The following LRMDA variants were observed in gnomAD, a reference collection of about 807,000 sequenced individuals.
The protein encoded by LRMDA is leucine rich melanocyte differentiation associated, also known as leucine-rich melanocyte differentiation-associated protein.
Under a neutral mutation model 29.8 loss-of-function variants are expected in LRMDA, and 18 were observed. The observed-to-expected ratio is 0.60, with a 90% CI of 0.42 to 0.90. The LOEUF (loss-of-function observed/expected upper bound fraction) is 0.90. Among genes scored for constraint, LRMDA ranks in the 40% least tolerant of loss-of-function variants. The probability of loss-of-function intolerance (pLI) is 0.00; values close to 1 mark genes in which losing one functional copy is unlikely to be tolerated. For synonymous variants in LRMDA, 125 were observed against 109.4 expected (o/e 1.14, Z -0.89); for missense variants, 273 against 273.9 (o/e 1.00, Z 0.02).
At chr10:75,776,634 A>C (rs879597659) in intron 2 of LRMDA, among the ~76,000 whole-genome samples, 10 of 152,344 alleles carry the variant, frequency 6.6e-5, no homozygotes, top group Admixed American at 6.5e-4. Flanking sequence ...TCAATTGGAC[A>C]CTATTAGCAA....
At chr10:76,317,282 C>T (rs890088419) in intron 5 of LRMDA, among the ~76,000 whole-genome samples, 1 of 152,140 alleles carries the variant, frequency 6.6e-6, no homozygotes, top group African/African-American at 2.4e-5. Context: ...ATTGGATAAC[C>T]ATTAGCGTTT....
intron 6 of LRMDA, among the ~76,000 whole-genome samples, chr10:76,503,546 T>C (rs1045242964): frequency 1.3e-5 from 2 of 151,826 alleles, no homozygotes; most frequent in African/African-American, 4.8e-5. Context: ...TCTTCCTGGA[T>C]CAATCTTGGG....
intron 2 of LRMDA, among the ~76,000 whole-genome samples, chr10:75,856,629 C>T (rs1468497594): frequency 6.6e-6 from 1 of 152,200 alleles, no homozygotes; most frequent in East Asian, 1.9e-4. Flanking sequence ...CAAAATTCAA[C>T]AATGCTTCAT....
intron 2 of LRMDA, among the ~76,000 whole-genome samples, chr10:75,484,007 G>C (rs1178978225): frequency 6.6e-6 from 1 of 152,040 alleles, no homozygotes; most frequent in Non-Finnish European, 1.5e-5. Flanking sequence ...CCAAGCTGGA[G>C]TACAGTGGCT....
rs545624543 is a variant in LRMDA at position 76,478,571 on chromosome 10, G to T, written c.602-78638G>T. The stretch of plus-strand genomic sequence containing the variant: ...GGTATATACCCAAAGGATTATAAAT[G>T]ATGCTGCTATAAAGACACATGTACA... On this transcript the variant is annotated intron_variant, in intron 6 of 6. Transcript: ENST00000611255. Among the ~76,000 whole-genome samples, 5 of 152,060 alleles carry T rather than the reference G, an allele frequency of 3.3e-5. No homozygotes were observed. In the South Asian group the frequency reaches 1.0e-3, roughly 32 times the overall value.
At chr10:76,419,302 TC>T (rs1235351252) in intron 6 of LRMDA, among the ~76,000 whole-genome samples, 2 of 152,104 alleles carry the variant, frequency 1.3e-5, no homozygotes, top group Non-Finnish European at 2.9e-5. Flanking sequence ...CCATAGTTTT[TC>T]CTTTTCCATA....
In LRMDA at chr10:75,578,761, C is replaced by T. The variant is rs925819095; in HGVS notation, c.131+140267C>T. The stretch of plus-strand genomic sequence containing the variant: ...AAACGCACTCAAAACCTCACAACTA[C>T]GTGGAAACTGCCTGCTCCTGAATGA... On this transcript the variant is annotated intron_variant, in intron 2 of 6. Transcript: ENST00000611255. Among the ~76,000 whole-genome samples, 9 of 150,738 alleles carry T rather than the reference C, an allele frequency of 6.0e-5. No individual in the cohort carries two copies. In the East Asian group the frequency reaches 7.8e-4, roughly 13 times the overall value.
rs892541497 is a variant in LRMDA, at chr10:76,240,125, T to C, written c.517-84276T>C. On this transcript the variant is annotated intron_variant, in intron 5 of 6. Transcript: ENST00000611255. Reference sequence around the variant, plus strand: ...AAAAGATATACAAATGGCCAACATATGAAAAAAATGCTCAACATCACTAAT... The same window carrying C: ...AAAAGATATACAAATGGCCAACATACGAAAAAAATGCTCAACATCACTAAT... Among the ~76,000 whole-genome samples, 3 of 150,936 alleles carry C rather than the reference T, an allele frequency of 2.0e-5. No individual in the cohort carries two copies. In the Admixed American group the frequency reaches 2.0e-4, roughly 10 times the overall value.
At chr10:75,861,393 G>A (rs1440705442) in intron 2 of LRMDA, among the ~76,000 whole-genome samples, 1 of 152,222 alleles carries the variant, frequency 6.6e-6, no homozygotes, top group Non-Finnish European at 1.5e-5. Context: ...TCTGTTAAGT[G>A]TGAATAATGG....
At chr10:76,250,164 A>G (rs1375783645) in intron 5 of LRMDA, among the ~76,000 whole-genome samples, 1 of 152,192 alleles carries the variant, frequency 6.6e-6, no homozygotes, top group Admixed American at 6.5e-5. Flanking sequence ...CTCATTGCTG[A>G]GTTATCATTC....
intron 5 of LRMDA, among the ~76,000 whole-genome samples, chr10:76,165,061 C>T (rs1850715089): frequency 6.6e-6 from 1 of 152,224 alleles, no homozygotes; most frequent in Non-Finnish European, 1.5e-5. Flanking sequence ...CAAACTCTGC[C>T]TCCCAGGTTC....
intron 6 of LRMDA, among the ~76,000 whole-genome samples, chr10:76,548,161 G>A (rs1453675150): frequency 6.6e-6 from 1 of 152,154 alleles, no homozygotes; most frequent in East Asian, 1.9e-4. Context: ...AGAGTTGTAT[G>A]GGTGCCTGGT....
chr10:75,555,480 C>A (rs1840202458), intron 2 of LRMDA, among the ~76,000 whole-genome samples: 1 of 152,136 alleles, frequency 6.6e-6, no homozygotes, highest in Non-Finnish European at 1.5e-5. Flanking sequence ...CTACCTAAAT[C>A]TAAGCTGGAC....
intron 6 of LRMDA, among the ~76,000 whole-genome samples, chr10:76,435,831 C>T (rs977759656): frequency 3.3e-5 from 5 of 152,142 alleles, no homozygotes; most frequent in Middle Eastern, 3.2e-3. Context: ...AATGAAGATT[C>T]GGTCTCTCAT....
chr10:75,672,438 C>T (rs1271187629), intron 2 of LRMDA, among the ~76,000 whole-genome samples: 1 of 151,282 alleles, frequency 6.6e-6, no homozygotes, highest in African/African-American at 2.4e-5. Flanking sequence ...AGATACATTC[C>T]CTTTCTGTAG....
intron 6 of LRMDA, among the ~76,000 whole-genome samples, chr10:76,450,620 A>G (rs917527284): frequency 1.3e-5 from 2 of 151,934 alleles, no homozygotes; most frequent in Non-Finnish European, 2.9e-5. Context: ...TCTCTTCTAT[A>G]TTTTTCCTCG....
At chr10:76,323,995 T>TG (rs908237642) in intron 5 of LRMDA, among the ~76,000 whole-genome samples, 1 of 152,190 alleles carries the variant, frequency 6.6e-6, no homozygotes, top group African/African-American at 2.4e-5. Flanking sequence ...CCATTTATCC[T>TG]GGGGGCAGAG....
chr10:76,134,188 G>A (rs1850051740), intron 5 of LRMDA, among the ~76,000 whole-genome samples: 1 of 152,242 alleles, frequency 6.6e-6, no homozygotes, highest in African/African-American at 2.4e-5. Flanking sequence ...CACGGCCCGT[G>A]GATCCAGTTT....
In LRMDA at chr10:76,016,847, C is replaced by G. The variant is rs149532292; in HGVS notation, c.132-19161C>G. On this transcript the variant is annotated intron_variant, in intron 2 of 6. Transcript: ENST00000611255. ...GCATCAGTGCTCAGGGTCCTCAGTT[C>G]GTAATACCTGGCTCACACAGCTGCT... is the stretch of plus-strand genomic sequence containing the variant. Among the ~76,000 whole-genome samples the G allele has an allele frequency of 2.6e-3, 389 of 152,308 alleles. 1 individual carries two copies. The highest frequency in any genetic ancestry group is 9.0e-3 in the African/African-American group (375 of 41,578).
Sources: allele counts gnomAD v4.1 joint callset (sites outside exome capture counted in the v4.1 genomes callset), GRCh38; gene constraint gnomAD v4.1.1; transcripts MANE v1.5; gene names NCBI Gene and HGNC (gene_info 2026-07-23, HGNC 2026-07-21).